KLF7: variants seen among roughly 807,000 people sequenced by gnomAD.
The protein encoded by KLF7 is KLF transcription factor 7.
Under a neutral mutation model 27.3 loss-of-function variants are expected in KLF7, and 2 were observed. The ratio of observed to expected loss-of-function variants is 0.07; its 90% CI spans 0.03 to 0.23. The LOEUF (loss-of-function observed/expected upper bound fraction) is 0.23. Ranked by LOEUF, KLF7 falls within the 10% of genes least tolerant of loss-of-function variation. The probability of loss-of-function intolerance (pLI) is 1.00; values close to 1 mark genes in which losing one functional copy is unlikely to be tolerated. For synonymous variants in KLF7, 165 were observed against 162.4 expected, an observed-to-expected ratio of 1.02 and a Z score of -0.12; for missense variants, 221 against 394.1, an observed-to-expected ratio of 0.56 and a Z score of 3.72.
chr2:207,160,525 G>A (rs116472284), intron 1 of KLF7, among the ~76,000 whole-genome samples: 2,071 of 152,274 alleles, frequency 0.014, 19 homozygotes, highest in Non-Finnish European at 0.02. Context: ...CACCGACCCC[G>A]TCTGGAATCA....
upstream of KLF7, chr2:207,166,817 G>C (rs2078726446): frequency 9.9e-7 from 1 of 1,013,212 alleles, no homozygotes; most frequent in African/African-American, 1.7e-5. Flanking sequence ...GGCTGCCAGG[G>C]TGCAGAGAAG....
chr2:207,097,640 G>A (rs1339002681), intron 2 of KLF7, among the ~76,000 whole-genome samples: 1 of 152,178 alleles, frequency 6.6e-6, no homozygotes, highest in East Asian at 1.9e-4. Flanking sequence ...TTTCTTTTGA[G>A]ACAAAGTGTT....
chr2:207,170,160 AGAT>A (rs1333992028), upstream of KLF7, among the ~76,000 whole-genome samples: 2 of 152,212 alleles, frequency 1.3e-5, no homozygotes, highest in African/African-American at 2.4e-5. Flanking sequence ...ATAAACACAC[AGAT>A]GATAAGAAAG....
chr2:207,135,132 G>A (rs563884353), intron 1 of KLF7, among the ~76,000 whole-genome samples: 1 of 152,276 alleles, frequency 6.6e-6, no homozygotes, highest in South Asian at 2.1e-4. Flanking sequence ...CTGACTAGCT[G>A]GGTGACTTTA....
chr2:207,144,193 A>T (rs1207771037), intron 1 of KLF7, among the ~76,000 whole-genome samples: 1 of 151,558 alleles, frequency 6.6e-6, no homozygotes, highest in Non-Finnish European at 1.5e-5. Context: ...GCATAGCTAG[A>T]CTGAGCAAAG....
chr2:207,132,488 G>T (rs1042518125), intron 1 of KLF7, among the ~76,000 whole-genome samples: 3 of 152,146 alleles, frequency 2.0e-5, no homozygotes, highest in Admixed American at 2.0e-4. Flanking sequence ...AACAAACAAA[G>T]AAAATATTTG....
At chr2:207,141,526 T>A (rs980620656) in intron 1 of KLF7, among the ~76,000 whole-genome samples, 3 of 152,150 alleles carry the variant, frequency 2.0e-5, no homozygotes, top group Non-Finnish European at 2.9e-5. Context: ...GGATAGCACA[T>A]GCCATCTAAA....
At chr2:207,132,994 C>T (rs1208707820) in intron 1 of KLF7, among the ~76,000 whole-genome samples, 1 of 152,198 alleles carries the variant, frequency 6.6e-6, no homozygotes, top group Non-Finnish European at 1.5e-5. Context: ...TGGCCTCTAC[C>T]CACAGTTGCA....
chr2:207,136,338 T>G (rs1321274121), intron 1 of KLF7, among the ~76,000 whole-genome samples: 1 of 152,162 alleles, frequency 6.6e-6, no homozygotes, highest in African/African-American at 2.4e-5. Context: ...GCTTCTCCCC[T>G]TCAGACAGGA....
intron 1 of KLF7, among the ~76,000 whole-genome samples, chr2:207,149,910 T>C (rs1419478560): frequency 1.3e-5 from 2 of 152,212 alleles, no homozygotes; most frequent in East Asian, 1.9e-4. Flanking sequence ...CGTAGACATA[T>C]AGGTAAGTCC....
intron 2 of KLF7, among the ~76,000 whole-genome samples, 194 bp from the exon 3 acceptor site, chr2:207,088,775 TTTC>T (rs1410119066): frequency 6.6e-6 from 1 of 152,202 alleles, no homozygotes; most frequent in Non-Finnish European, 1.5e-5. Context: ...TGTTTTTTGT[TTTC>T]TTTTTTGTTA....
chr2:207,123,935 G>C lies in KLF7; in HGVS notation c.572C>G (p.Ala191Gly), dbSNP rs149567887. 1 of 1,614,074 alleles carries C rather than the reference G, an allele frequency of 6.2e-7. No homozygotes were observed. Among genetic ancestry groups the C allele is most frequent in the East Asian group, 2.2e-5 (1 of 44,868 alleles). Reference sequence around the variant, plus strand: ...GCTCTGTCCACTCTTAACGGCCCCCGCAGCCGTCACGGCTGCTGCAGCTGT... The same window carrying C: ...GCTCTGTCCACTCTTAACGGCCCCCCCAGCCGTCACGGCTGCTGCAGCTGT... ...VATAAAAVTA[A>G]GAVKSGQSDS... Residue 191 changes from alanine (A) to glycine (G), a missense_variant, in exon 2 of 4, where the codon GCG (alanine) becomes GGG (glycine). Around this residue, in one of 3 missense-constraint regions of KLF7, gnomAD observed 180 missense variants for 227.9 expected, o/e 0.79. Transcript: ENST00000309446.
At chr2:207,157,444 A>G (rs2078419990) in intron 1 of KLF7, among the ~76,000 whole-genome samples, 1 of 152,142 alleles carries the variant, frequency 6.6e-6, no homozygotes. Flanking sequence ...AGGCTAAAGG[A>G]AACAACAAAA....
At chr2:207,113,448 A>G (rs1037778621) in intron 2 of KLF7, among the ~76,000 whole-genome samples, 10 of 152,156 alleles carry the variant, frequency 6.6e-5, no homozygotes, top group Non-Finnish European at 1.5e-5. Flanking sequence ...CTTATGCTCC[A>G]TTAATTGCCA....
chr2:207,097,816 T>C (rs2076668177), intron 2 of KLF7, among the ~76,000 whole-genome samples: 1 of 152,230 alleles, frequency 6.6e-6, no homozygotes, highest in South Asian at 2.1e-4. Context: ...CTGTACCATG[T>C]TTCTCATAAC....
chr2:207,114,375 G>C (rs1232515699), intron 2 of KLF7, among the ~76,000 whole-genome samples: 2 of 152,222 alleles, frequency 1.3e-5, no homozygotes, highest in African/African-American at 4.8e-5. Context: ...ATATCCCATA[G>C]TAAGGGGATT....
intron 1 of KLF7, among the ~76,000 whole-genome samples, chr2:207,138,195 C>A (rs1194866537): frequency 6.6e-6 from 1 of 152,188 alleles, no homozygotes; most frequent in East Asian, 1.9e-4. Context: ...AAATCATCAG[C>A]CCATGCAAAG....
At chr2:207,138,314 C>CA (rs2106047723) in intron 1 of KLF7, among the ~76,000 whole-genome samples, 1 of 152,280 alleles carries the variant, frequency 6.6e-6, no homozygotes, top group South Asian at 2.1e-4. Context: ...GCTACATATG[C>CA]ACAACACAAA....
chr2:207,122,769 T>G (rs960118673), intron 2 of KLF7, among the ~76,000 whole-genome samples: 1 of 152,204 alleles, frequency 6.6e-6, no homozygotes, highest in Admixed American at 6.5e-5. Context: ...CCAAGAATGC[T>G]TTTATACTTC....
Sources: allele counts gnomAD v4.1 joint callset (sites outside exome capture counted in the v4.1 genomes callset), GRCh38; gene constraint gnomAD v4.1.1; regional missense constraint gnomAD v4.1.1; transcripts MANE v1.5; gene names NCBI Gene and HGNC (gene_info 2026-07-23, HGNC 2026-07-21).